TG: variants seen among roughly 807,000 people sequenced by gnomAD.
TG encodes thyroglobulin, also known as thyroid hormones.
In TG, 270 loss-of-function variants were observed where a neutral mutation model predicts 324.7. The observed-to-expected ratio is 0.83, with a 90% CI of 0.75 to 0.92. The LOEUF (loss-of-function observed/expected upper bound fraction) is 0.92, where lower values mean the gene tolerates loss of function less well. TG is among the 40% of genes least tolerant of loss of function. The pLI, the probability that TG is intolerant of heterozygous loss-of-function variation, is 0.00. For synonymous variants in TG, 1,401 were observed against 1,327.0 expected (o/e 1.06, Z -1.21); for missense variants, 3,591 against 3,456.4 (o/e 1.04, Z -0.98).
At chr8:132,905,185 G>A (rs1818498741) in intron 16 of TG, among the ~76,000 whole-genome samples, 2 of 152,148 alleles carry the variant, frequency 1.3e-5, no homozygotes, top group South Asian at 4.1e-4. Context: ...CATTTTATGG[G>A]TGAGGAAACT....
chr8:133,053,759 G>A (rs1359674305), intron 41 of TG, among the ~76,000 whole-genome samples: 1 of 152,208 alleles, frequency 6.6e-6, no homozygotes, highest in Non-Finnish European at 1.5e-5. Flanking sequence ...CTGTTCCAAT[G>A]AGGGAAAGGG....
At chr8:132,996,534 T>C (rs1832903673) in intron 35 of TG, among the ~76,000 whole-genome samples, 2 of 136,356 alleles carry the variant, frequency 1.5e-5, no homozygotes, top group South Asian at 2.3e-4. Flanking sequence ...ACTATTTCTA[T>C]TGCCAATTTT....
At chr8:132,915,918 C>G (rs1344128439) in intron 20 of TG, among the ~76,000 whole-genome samples, 1 of 152,236 alleles carries the variant, frequency 6.6e-6, no homozygotes, top group East Asian at 1.9e-4. Context: ...ATGGAAGTCT[C>G]AAAAGCAGTA....
At position 132,931,709 on chromosome 8, in the gene TG, C is replaced by T. The variant is rs992526065; in HGVS notation, c.4817-1852C>T. 2.6e-5 allele frequency among the ~76,000 whole-genome samples: 4 copies of T among 151,938 alleles called. No homozygotes were observed. In the East Asian group the frequency reaches 5.8e-4, roughly 22 times the overall value. ...TCTTGACTGAATTTGTCCCTGAGCC[C>T]GAAGCAGGGATCTGCTTGCCGTGAA... On this transcript the variant is annotated intron_variant, in intron 23 of 47. Coordinates refer to ENST00000220616, the MANE Select transcript of TG (RefSeq NM_003235.5).
At chr8:132,925,516 CGTGTGTGTGTGT>C (rs139966752) in intron 22 of TG, among the ~76,000 whole-genome samples, 17 of 144,822 alleles carry the variant, frequency 1.2e-4, no homozygotes, top group Non-Finnish European at 1.8e-4. Flanking sequence ...CTAAGGAGTG[CGTGTGTGTGTGT>C]GTGTGTGTGT....
Position 132,893,776 on chromosome 8 carries a change from C to T in TG, c.2848C>T (p.Arg950Trp), listed in dbSNP as rs769955755. The change falls in exon 11 of 48, where the codon CGG becomes TGG. Residue 950 changes from arginine to tryptophan, a missense_variant. Coordinates refer to ENST00000220616, the MANE Select transcript of TG (RefSeq NM_003235.5). ...GATTGTTTCAGCTTCCAACAGTTCT[C>T]GGTTCCCTCTGGGGGAGAGTTTCCT... ...EEIVSASNSS[R>W]FPLGESFLVA... 45 of 1,613,860 alleles carry T rather than the reference C, an allele frequency of 2.8e-5. No homozygotes were observed. The highest frequency in any genetic ancestry group is 3.4e-5 in the Non-Finnish European group (40 of 1,179,926).
chr8:132,898,094 A>C, intron 12 of TG, 75 bp from the exon 13 acceptor site: 1 of 1,411,170 alleles, frequency 7.1e-7, no homozygotes, highest in South Asian at 1.2e-5. Context: ...GTGAAGAAGG[A>C]AAGTTGTTTA....
rs780765199 is a variant in TG at position 132,898,234 on chromosome 8, C to T, written c.3205C>T (p.Gln1069Ter). 1 of 1,599,338 alleles carries T rather than the reference C, an allele frequency of 6.3e-7. No individual in the cohort carries two copies. The highest frequency in any genetic ancestry group is 1.1e-5 in the South Asian group (1 of 88,166). ...IPGSLTARSL[Q>*]IPQCPTTCEK... ...TGGCTCACTGACTGCCCGCTCTCTGCAGATTCCACAGTGTAAGTGAAGACT... is the reference window on the plus strand; with the variant it reads ...TGGCTCACTGACTGCCCGCTCTCTGTAGATTCCACAGTGTAAGTGAAGACT... The change falls in exon 13 of 48, where the codon CAG becomes TAG. Residue 1069 changes from glutamine (Q) to a stop codon, truncating the protein, a stop_gained. Transcript: ENST00000220616. LOFTEE classifies it high-confidence loss of function.
At chr8:132,924,195 G>A (rs929308459) in intron 22 of TG, among the ~76,000 whole-genome samples, 3 of 151,864 alleles carry the variant, frequency 2.0e-5, no homozygotes, top group Non-Finnish European at 4.4e-5. Context: ...ATGCAACCTA[G>A]ATCCCTCACA....
At chr8:133,073,411 A>T (rs1387102841) in intron 41 of TG, among the ~76,000 whole-genome samples, 2 of 152,094 alleles carry the variant, frequency 1.3e-5, no homozygotes, top group Non-Finnish European at 2.9e-5. Context: ...GCTGGAGTGC[A>T]GTGGCACCAT....
chr8:133,095,285 G>A lies in TG; in HGVS notation c.7404+77G>A, dbSNP rs902573379. 8.1e-6 allele frequency: 13 copies of A among 1,601,870 alleles called. No individual in the cohort carries two copies. The African/African-American group carries it at 9.4e-5, about 12-fold the overall frequency. On this transcript the variant is annotated intron_variant, in intron 42 of 47. Transcript: ENST00000220616. The stretch of plus-strand genomic sequence containing the variant: ...TAGAAAATGAAGACCTAGGAAGGAG[G>A]TGTCACCCACCCCAGCCATACCACA...
At chr8:133,116,531 T>G in intron 44 of TG, 78 bp from the exon 45 acceptor site, 1 of 1,401,598 alleles carries the variant, frequency 7.1e-7, no homozygotes, top group Non-Finnish European at 1.0e-6. Flanking sequence ...GGCCCCTTGC[T>G]GGGAGAAGCC....
At chr8:133,055,058 G>A (rs1018101180) in intron 41 of TG, among the ~76,000 whole-genome samples, 1 of 152,148 alleles carries the variant, frequency 6.6e-6, no homozygotes, top group Non-Finnish European at 1.5e-5. Flanking sequence ...CTATCTAGGG[G>A]AAAGTGTGAA....
chr8:132,884,158 C>T (rs1033922503), intron 8 of TG, among the ~76,000 whole-genome samples: 23 of 152,204 alleles, frequency 1.5e-4, no homozygotes, highest in African/African-American at 5.3e-4. Context: ...ATCATCTTAA[C>T]TAATCCCATC....
At chr8:132,972,350 C>A in intron 33 of TG, 1 of 565,760 alleles carries the variant, frequency 1.8e-6, no homozygotes, top group East Asian at 3.0e-5. Context: ...CCAACAGAGA[C>A]CTAGCACAGC....
In TG at chr8:133,072,661, G is replaced by A. The variant is rs183224884; in HGVS notation, c.7240-22383G>A. The stretch of plus-strand genomic sequence containing the variant: ...AACCCAGCAGCATCTATTAATGCAG[G>A]GCACTGATTTAGGTGCACTAGAATG... On this transcript the variant is annotated intron_variant, in intron 41 of 47. Transcript: ENST00000220616. 2.5e-3 allele frequency among the ~76,000 whole-genome samples: 374 copies of A among 152,284 alleles called. 5 individuals are homozygous for A. Among genetic ancestry groups the A allele is most frequent in the Non-Finnish European group, 2.1e-3 (141 of 68,030 alleles).
At position 132,982,219 on chromosome 8, in the gene TG, G is replaced by C. The variant is rs183538720; in HGVS notation, c.6200-1131G>C. Among the ~76,000 whole-genome samples, 18 of 152,208 alleles carry C rather than the reference G, an allele frequency of 1.2e-4. No homozygotes were observed. In the South Asian group the frequency reaches 2.1e-3, roughly 18 times the overall value. ...TGAGGACAGAGAGGTTGAGTAATTT[G>C]CTCAAAGTTACACAGCAGAAAAGTG... On this transcript the variant is annotated intron_variant, in intron 34 of 47. Transcript: ENST00000220616.
At chr8:133,050,253 A>G in intron 41 of TG, 1 of 508,604 alleles carries the variant, frequency 2.0e-6, no homozygotes, top group Admixed American at 3.2e-5. Context: ...TTAGCAGCTA[A>G]TGTTCCCAAC....
At chr8:133,061,127 C>T (rs1046410323) in intron 41 of TG, among the ~76,000 whole-genome samples, 5 of 152,232 alleles carry the variant, frequency 3.3e-5, no homozygotes, top group Non-Finnish European at 7.3e-5. Context: ...TCTCCTGCCT[C>T]AGCCTTCCAA....
Sources: allele counts gnomAD v4.1 joint callset (sites outside exome capture counted in the v4.1 genomes callset), GRCh38; gene constraint gnomAD v4.1.1; transcripts MANE v1.5; gene names NCBI Gene and HGNC (gene_info 2026-07-23, HGNC 2026-07-21).